Variants in THRA observed in about 807,000 individuals in gnomAD.
The protein encoded by THRA is thyroid hormone receptor alpha.
In THRA, 13 loss-of-function variants were observed where a neutral mutation model predicts 45.0. That is an observed-to-expected ratio of 0.29 (90% confidence interval 0.19 to 0.46). THRA has a LOEUF of 0.46. Among genes scored for constraint, THRA ranks in the 20% least tolerant of loss-of-function variants. The pLI, the probability that THRA is intolerant of heterozygous loss-of-function variation, is 1.00. For missense variants in THRA, 278 were observed against 556.1 expected, an observed-to-expected ratio of 0.50 and a Z score of 5.03; for synonymous variants, 195 against 214.0, an observed-to-expected ratio of 0.91 and a Z score of 0.78.
intron 5 of THRA, 34 bp downstream of exon 5, chr17:40,084,016 T>C: frequency 1.3e-6 from 2 of 1,580,772 alleles, no homozygotes; most frequent in South Asian, 1.2e-5. Flanking sequence ...TAGAGCCAGG[T>C]GGCCTGGGGT....
Position 40,092,575 on chromosome 17 carries a change from G to A in THRA, c.*3119G>A, listed in dbSNP as rs1367657047. The A allele has an allele frequency of 6.4e-6, 1 of 156,328 alleles. No individual in the cohort carries two copies. The highest frequency in any genetic ancestry group is 1.4e-5 in the Non-Finnish European group (1 of 70,364). 9.7% of individuals were successfully genotyped at this position (156,328 alleles called of 1,614,324 possible). On this transcript the variant is annotated 3_prime_UTR_variant, in exon 9 of 9. Coordinates refer to ENST00000450525, the MANE Select transcript of THRA (RefSeq NM_199334.5). ...AAAGAAAGATATTTTTATGGTAATT[G>A]TTGCTCGTCTATTTTACTATATATT... is the stretch of plus-strand genomic sequence containing the variant.
chr17:40,071,455 A>T (rs995687293), intron 1 of THRA, among the ~76,000 whole-genome samples: 3 of 152,096 alleles, frequency 2.0e-5, no homozygotes, highest in African/African-American at 4.8e-5. Context: ...CTTAAGCTTA[A>T]TGAAATGCTT....
intron 7 of THRA, among the ~76,000 whole-genome samples, chr17:40,087,790 G>C (rs751722267): frequency 2.6e-5 from 4 of 151,948 alleles, no homozygotes; most frequent in African/African-American, 9.7e-5. Context: ...ACAGATTTTC[G>C]TTCTGTCACC....
At chr17:40,066,680 A>G (rs1350666616) in intron 1 of THRA, among the ~76,000 whole-genome samples, 1,023 of 75,648 alleles carry the variant, frequency 0.014, 19 homozygotes, top group African/African-American at 0.067. Context: ...AAAAAAAAAA[A>G]AAAAGAAAAA....
At position 40,088,298 on chromosome 17, in the gene THRA, C is replaced by G. The variant is rs1987404924; in HGVS notation, c.780C>G (p.Ser260=). ...AGGGGTGCTGCATGGAGATCATGTC[C>G]CTGCGGGCGGCTGTCCGCTACGACC... ...LLKGCCMEIM[S]LRAAVRYDPE... Residue 260 remains serine, a synonymous_variant, in exon 8 of 9, where the codon TCC becomes TCG. Transcript: ENST00000450525. The G allele has an allele frequency of 6.2e-7, 1 of 1,611,912 alleles. No individual in the cohort carries two copies. Among genetic ancestry groups the G allele is most frequent in the Non-Finnish European group, 8.5e-7 (1 of 1,178,590 alleles).
chr17:40,084,577 C>G (rs900121148), intron 5 of THRA, 33 bp from the exon 6 acceptor site: 1 of 1,606,962 alleles, frequency 6.2e-7, no homozygotes, highest in Non-Finnish European at 8.5e-7. Context: ...TGGAGGGTGC[C>G]ATGCGTTAGA....
downstream of THRA, chr17:40,093,836 T>TA: frequency 7.5e-7 from 1 of 1,339,684 alleles, no homozygotes; most frequent in Non-Finnish European, 1.1e-6. The surrounding 1 kb of genome is among the most constrained non-coding windows in gnomAD (Gnocchi z 5.9). Flanking sequence ...TGGCATAGAG[T>TA]AGGTACTCCA....
In THRA at chr17:40,071,393, G is replaced by A. The variant is rs73985247; in HGVS notation, c.-297-2799G>A. Among the ~76,000 whole-genome samples, 936 of 152,292 alleles carry A rather than the reference G, an allele frequency of 6.1e-3. 16 individuals carry two copies. Among genetic ancestry groups the A allele is most frequent in the African/African-American group, 0.021 (879 of 41,562 alleles). On this transcript the variant is annotated intron_variant, in intron 1 of 8. Transcript: ENST00000450525. ...CTCGGCAGTGGGAACCTGGCGGGGC[G>A]CCCGTGGATGCCGCATTGGCCCCGT...
At chr17:40,088,950 C>T (rs370548856) in intron 8 of THRA, among the ~76,000 whole-genome samples, 20 of 149,576 alleles carry the variant, frequency 1.3e-4, no homozygotes, top group Admixed American at 1.1e-3. Context: ...CCCCAGCCCC[C>T]GGCCTGTCCC....
chr17:40,093,622 T>C (rs958161044), downstream of THRA: 1 of 695,862 alleles, frequency 1.4e-6, no homozygotes, highest in African/African-American at 1.8e-5. The surrounding 1 kb of genome is among the most constrained non-coding windows in gnomAD (Gnocchi z 5.9). Context: ...CCTGGCAACA[T>C]CTTACTTGTC....
rs1448957576 is a variant in THRA, at chr17:40,076,351, C to CA, written c.54-519dup. On this transcript the variant is annotated intron_variant, in intron 2 of 8. Coordinates refer to ENST00000450525, the MANE Select transcript of THRA (RefSeq NM_199334.5). ...GGTGCCTGTGCAGAGTGTTGTGTAA[C>CA]ACATGGGCATATCCTAGAGGTTGTA... Among the ~76,000 whole-genome samples, 48 of 152,284 alleles carry CA rather than the reference C, an allele frequency of 3.2e-4. 1 individual carries two copies. The highest frequency in any genetic ancestry group is 1.1e-3 in the African/African-American group (46 of 41,556).
In THRA at chr17:40,070,458, C is replaced by T. The variant is rs78585944; in HGVS notation, c.-297-3734C>T. 1.9e-3 allele frequency among the ~76,000 whole-genome samples: 285 copies of T among 152,322 alleles called. 10 individuals are homozygous for T. The East Asian group carries it at 0.05, about 26-fold the overall frequency. Reference sequence around the variant, plus strand: ...TGCCCCTCAGCATGGGGGCACATGTCGCTGCTGCAGCACTGCCACCACCAC... The same window carrying T: ...TGCCCCTCAGCATGGGGGCACATGTTGCTGCTGCAGCACTGCCACCACCAC... On this transcript the variant is annotated intron_variant, in intron 1 of 8. Transcript: ENST00000450525.
At chr17:40,066,898 C>T (rs189824981) in intron 1 of THRA, among the ~76,000 whole-genome samples, 25 of 152,256 alleles carry the variant, frequency 1.6e-4, no homozygotes, top group African/African-American at 6.0e-4. Context: ...TCATATCTAC[C>T]TCATTTAGCT....
chr17:40,089,447 G>A lies in THRA; in HGVS notation c.1224G>A (p.Gln408=), dbSNP rs1365062720. The A allele has an allele frequency of 6.2e-7, 1 of 1,614,106 alleles. No homozygotes were observed. The highest frequency in any genetic ancestry group is 2.2e-5 in the East Asian group (1 of 44,868). Residue 408 remains glutamine (Q), a synonymous_variant, in exon 9 of 9, where the codon CAG becomes CAA. Coordinates refer to ENST00000450525, the MANE Select transcript of THRA (RefSeq NM_199334.5). This position sits in a 1 kb window ranked among gnomAD's most constrained non-coding sequence, Gnocchi z 6.1. The part of the protein sequence containing the change: ...PPLFLEVFED[Q]EV ...TCTTCCTCGAGGTCTTTGAGGATCAGGAAGTCTAAAGCCTCAGGCGGCCAG... is the reference window on the plus strand; with the variant it reads ...TCTTCCTCGAGGTCTTTGAGGATCAAGAAGTCTAAAGCCTCAGGCGGCCAG...
At chr17:40,084,382 C>T in intron 5 of THRA, 1 of 567,834 alleles carries the variant, frequency 1.8e-6, no homozygotes, top group Non-Finnish European at 3.1e-6. Context: ...TCCGTTAGAC[C>T]AGAACATGAT....
intron 8 of THRA, among the ~76,000 whole-genome samples, chr17:40,088,992 G>A (rs1291568520): frequency 1.1e-4 from 2 of 18,158 alleles, no homozygotes; most frequent in African/African-American, 2.7e-4. Context: ...CCTCCCCCCA[G>A]TACCCCCCTG....
At position 40,092,411 on chromosome 17, in the gene THRA, A is replaced by G. The variant is rs954592448; in HGVS notation, c.*2955A>G. On this transcript the variant is annotated 3_prime_UTR_variant, in exon 9 of 9. Coordinates refer to ENST00000450525, the MANE Select transcript of THRA (RefSeq NM_199334.5). ...AGGGGGGTTGTGGCCAGAAACAGGG[A>G]AGGAGGTAGGTCTCTTCCCCAGGGA... The G allele has an allele frequency of 6.6e-6, 1 of 151,734 alleles. No homozygotes were observed. The highest frequency in any genetic ancestry group is 2.4e-5 in the African/African-American group (1 of 41,086). The allele number at this position is 151,734 out of a possible 1,614,324, so 9.4% of individuals were successfully genotyped here. A position where few individuals can be genotyped will look rare whatever the true frequency, so the allele number is the denominator to read the frequency against.
Position 40,074,556 on chromosome 17 carries a change from A to AACT in THRA, c.53+17_53+19dup. 1 of 1,613,994 alleles carries AACT rather than the reference A, an allele frequency of 6.2e-7. No homozygotes were observed. Among genetic ancestry groups the AACT allele is most frequent in the Non-Finnish European group, 8.5e-7 (1 of 1,179,898 alleles). ...GAGGAGAACAGGTAATGGGTTCAGC[A>AACT]ACTAGGTCATGCCAACTCCTAAGCA... On this transcript the variant is annotated intron_variant, in intron 2 of 8. Coordinates refer to ENST00000450525, the MANE Select transcript of THRA (RefSeq NM_199334.5).
Position 40,074,320 on chromosome 17 carries a change from G to A in THRA, c.-169G>A, listed in dbSNP as rs1445679164. On this transcript the variant is annotated 5_prime_UTR_variant, in exon 2 of 9. Transcript: ENST00000450525. ...CCCTCCCACCGCCCGCCCCCCTTGG[G>A]GCGCAGGGCATGGTGTGAAAGGCCA... The A allele has an allele frequency of 1.4e-6, 1 of 707,946 alleles. No individual in the cohort carries two copies. Among genetic ancestry groups the A allele is most frequent in the Non-Finnish European group, 2.4e-6 (1 of 420,248 alleles). The allele number at this position is 707,946 out of a possible 1,614,324, so 43.9% of individuals were successfully genotyped here. A position where few individuals can be genotyped will look rare whatever the true frequency, so the allele number is the denominator to read the frequency against.
Sources: gnomAD v4.1 joint callset for allele counts (sites outside exome capture counted in the v4.1 genomes callset) on GRCh38, gnomAD v4.1.1 for gene constraint, Gnocchi (gnomAD v3.1) non-coding constraint, MANE v1.5 for transcripts, NCBI Gene and HGNC (gene_info 2026-07-23, HGNC 2026-07-21) for gene names.